The following MYH11 variants were observed in gnomAD, a reference collection of about 807,000 sequenced individuals.
MYH11 encodes the protein myosin-11.
Under a neutral mutation model 246.6 loss-of-function variants are expected in MYH11, and 80 were observed. That is an observed-to-expected ratio of 0.32 (90% CI 0.27 to 0.39). The LOEUF is 0.39. Among genes scored for constraint, MYH11 ranks in the 10% least tolerant of loss-of-function variants. The pLI is 1.00. For missense variants in MYH11, 2,158 were observed against 2,546.8 expected, an observed-to-expected ratio of 0.85 and a Z score of 3.29; for synonymous variants, 1,071 against 1,015.5, an observed-to-expected ratio of 1.05 and a Z score of -1.04.
At position 15,720,162 on chromosome 16, in the gene MYH11, G is replaced by A. The variant is rs369409348; in HGVS notation, c.4942C>T (p.Arg1648Cys). 26 of 1,613,974 alleles carry A rather than the reference G, an allele frequency of 1.6e-5. No homozygotes were observed. The highest frequency in any genetic ancestry group is 8.3e-5 in the Admixed American group (5 of 59,984). Reference sequence around the variant, plus strand: ...CTAGTGTCACCCACCTGCAGTTTGCGTAGCTGCTTGATGGCTTCCTCCCTC... The same window carrying A: ...CTAGTGTCACCCACCTGCAGTTTGCATAGCTGCTTGATGGCTTCCTCCCTC... ...KGREEAIKQL[R>C]KLQAQMKDFQ... is the part of the protein sequence containing the mutation. The change falls in exon 34 of 41, where the codon CGC (arginine) becomes TGC (cysteine). Residue 1648 changes from arginine to cysteine, a missense_variant. By Grantham distance (180) the Arg-to-Cys change is radical. This residue lies in a region of MYH11 where 1,013 missense variants were observed against 993.5 expected (regional missense o/e 1.02). Transcript: ENST00000300036.
rs61734199 is a variant in MYH11, at chr16:15,823,304, C to A, written c.453G>T (p.Pro151=). The A allele has an allele frequency of 1.2e-6, 2 of 1,614,078 alleles. No individual in the cohort carries two copies. The highest frequency in any genetic ancestry group is 1.7e-6 in the Non-Finnish European group (2 of 1,180,054). ...TGTCTGCGATGGCGTAGATGTGAGG[C>A]GGCATCTCGTGCCTCTTCTTGCCCT... is the stretch of plus-strand genomic sequence containing the variant. ...MYKGKKRHEM[P]PHIYAIADTA... is the part of the protein sequence containing the mutation. The change falls in exon 3 of 41, where the codon CCG becomes CCT. Residue 151 remains proline, a synonymous_variant. Transcript: ENST00000300036.
In MYH11 at chr16:15,760,557, C is replaced by T; in HGVS notation, c.1231G>A (p.Ala411Thr). 1 of 1,612,258 alleles carries T rather than the reference C, an allele frequency of 6.2e-7. No individual in the cohort carries two copies. Among genetic ancestry groups the T allele is most frequent in the Non-Finnish European group, 8.5e-7 (1 of 1,178,310 alleles). Residue 411 changes from alanine to threonine, a missense_variant, in exon 11 of 41, where the codon GCT becomes ACT. This residue lies in a region of MYH11 where 317 missense variants were observed against 507.7 expected (regional missense o/e 0.62). Transcript: ENST00000300036. ...ATCATTACCTGTTCTTTTGTCTGAG[C>T]TTTCTGTACCACATCTCGCCCAACC... The part of the protein sequence containing the change: ...IKVGRDVVQK[A>T]QTKEQADFAV...
At chr16:15,810,369 T>C (rs11647019) in intron 3 of MYH11, among the ~76,000 whole-genome samples, 22,884 of 152,010 alleles carry the variant, frequency 0.15, 2,032 homozygotes, top group African/African-American at 0.25. Flanking sequence ...AATTCTCCTT[T>C]GCTGTCTCCC....
intron 1 of MYH11, among the ~76,000 whole-genome samples, chr16:15,846,865 G>A (rs181073552): frequency 6.6e-6 from 1 of 152,100 alleles, no homozygotes; most frequent in East Asian, 1.9e-4. Flanking sequence ...GAGGTGGGAG[G>A]ATCACTTAAG....
intron 9 of MYH11, 88 bp downstream of exon 9, chr16:15,771,481 G>A: frequency 3.7e-6 from 4 of 1,088,368 alleles, no homozygotes; most frequent in South Asian, 3.1e-5. Flanking sequence ...TCAGAGAGCA[G>A]AAATCTGTCC....
chr16:15,770,525 T>C (rs534898677), intron 9 of MYH11, among the ~76,000 whole-genome samples: 6 of 152,260 alleles, frequency 3.9e-5, no homozygotes, highest in Non-Finnish European at 5.9e-5. Flanking sequence ...TGGCCATTGG[T>C]TGGATGATTT....
rs377366100 is a variant in MYH11 at position 15,708,825 on chromosome 16, C to T, written c.5787-4702G>A. On this transcript the variant is annotated intron_variant, in intron 40 of 40. Transcript: ENST00000300036. ...TACCTGGTGCATCACTGCGAAGTTTCCTGTGGGGGGGGCCCTCTGAAACAG... is the reference window on the plus strand; with the variant it reads ...TACCTGGTGCATCACTGCGAAGTTTTCTGTGGGGGGGGCCCTCTGAAACAG... 1.9e-6 allele frequency: 3 copies of T among 1,609,818 alleles called. No individual in the cohort carries two copies. The highest frequency in any genetic ancestry group is 2.7e-5 in the African/African-American group (2 of 74,858).
intron 9 of MYH11, among the ~76,000 whole-genome samples, chr16:15,770,191 C>A (rs2042067941): frequency 6.6e-6 from 1 of 152,150 alleles, no homozygotes; most frequent in African/African-American, 2.4e-5. Flanking sequence ...TGATGTGGGA[C>A]CCTGGCCAAG....
At chr16:15,706,049 A>G (rs1257156479) in intron 40 of MYH11, among the ~76,000 whole-genome samples, 3 of 151,392 alleles carry the variant, frequency 2.0e-5, no homozygotes, top group East Asian at 1.9e-4. Context: ...GGAATTCGCA[A>G]ATGACCCTTT....
chr16:15,735,262 G>A, intron 26 of MYH11, 104 bp downstream of exon 26: 1 of 1,266,318 alleles, frequency 7.9e-7, no homozygotes, highest in South Asian at 1.2e-5. Flanking sequence ...GAAGGTAAAT[G>A]CACAGGGGCT....
chr16:15,707,626 G>A (rs907850984), intron 40 of MYH11, among the ~76,000 whole-genome samples: 2 of 152,134 alleles, frequency 1.3e-5, no homozygotes, highest in African/African-American at 4.8e-5. Flanking sequence ...AATGAAGATG[G>A]ACACAAATGA....
intron 1 of MYH11, among the ~76,000 whole-genome samples, chr16:15,847,919 G>A (rs1396576046): frequency 1.3e-5 from 2 of 152,132 alleles, no homozygotes; most frequent in African/African-American, 4.8e-5. Context: ...GGCTGGGGTG[G>A]AGCTGCGGAG....
intron 25 of MYH11, among the ~76,000 whole-genome samples, chr16:15,736,832 T>C (rs1334141074): frequency 6.6e-6 from 1 of 152,132 alleles, no homozygotes; most frequent in Non-Finnish European, 1.5e-5. Context: ...AAGGTATTGC[T>C]TGAAAAGAAC....
intron 32 of MYH11, 54 bp downstream of exon 32, chr16:15,721,366 GCA>G (rs1296718880): frequency 1.9e-6 from 3 of 1,566,142 alleles, no homozygotes; most frequent in Non-Finnish European, 2.6e-6. Context: ...CTGGTGAATA[GCA>G]CAGAGGGTGG....
intron 1 of MYH11, among the ~76,000 whole-genome samples, chr16:15,853,156 T>A (rs1200845865): frequency 6.6e-6 from 1 of 151,876 alleles, no homozygotes. Flanking sequence ...GCCCCTCACC[T>A]TTTTTTTGAG....
At chr16:15,727,176 C>A in intron 27 of MYH11, 122 bp from the exon 28 acceptor site, 1 of 818,348 alleles carries the variant, frequency 1.2e-6, no homozygotes, top group East Asian at 2.4e-5. Context: ...CACACAATCA[C>A]CAGTAAGAGA....
intron 20 of MYH11, 52 bp downstream of exon 20, chr16:15,745,077 G>A (rs1240660045): frequency 1.5e-6 from 2 of 1,378,110 alleles, no homozygotes; most frequent in African/African-American, 2.8e-5. Context: ...GCTCCAGAGT[G>A]AAGAAGCAGG....
intron 34 of MYH11, 139 bp downstream of exon 34, chr16:15,720,012 G>T: frequency 8.0e-7 from 1 of 1,243,124 alleles, no homozygotes; most frequent in Non-Finnish European, 1.2e-6. Flanking sequence ...ATCCTGAATG[G>T]TTCCAGAAAA....
chr16:15,823,340 G>A lies in MYH11; in HGVS notation c.417C>T (p.Val139=), dbSNP rs1050111. 173,150 of 1,614,076 alleles carry A rather than the reference G, an allele frequency of 0.11. 9,794 individuals carry two copies. Among genetic ancestry groups the A allele is most frequent in the Middle Eastern group, 0.13 (808 of 6,062 alleles). The change falls in exon 3 of 41, where the codon GTC becomes GTT. Residue 139 remains valine (V), a synonymous_variant. Transcript: ENST00000300036. Reference sequence around the variant, plus strand: ...GCCTCTTCTTGCCCTTGTACATGTCGACGATCTTCTCCGAGTAGATGGGCA... The same window carrying A: ...GCCTCTTCTTGCCCTTGTACATGTCAACGATCTTCTCCGAGTAGATGGGCA... The part of the protein sequence containing the change: ...KHLPIYSEKI[V]DMYKGKKRHE...
Sources: gnomAD v4.1 joint callset for allele counts (sites outside exome capture counted in the v4.1 genomes callset) on GRCh38, gnomAD v4.1.1 for gene constraint, gnomAD v4.1.1 regional missense constraint, MANE v1.5 for transcripts, NCBI Gene and HGNC (gene_info 2026-07-23, HGNC 2026-07-21) for gene names.